The following MCM9 variants were observed in gnomAD, a reference collection of about 807,000 sequenced individuals.
The protein encoded by MCM9 is minichromosome maintenance 9 homologous recombination repair factor, also known as DNA helicase MCM9.
In MCM9, 55 loss-of-function variants were observed where a neutral mutation model predicts 72.8. The ratio of observed to expected loss-of-function variants is 0.76; its 90% CI spans 0.61 to 0.95. The LOEUF is 0.95. MCM9 is among the 40% of genes least tolerant of loss of function. The pLI, the probability that MCM9 is intolerant of heterozygous loss-of-function variation, is 0.00. For missense variants in MCM9, 1,279 were observed against 1,377.0 expected (o/e 0.93, Z 1.13); for synonymous variants, 480 against 503.4 (o/e 0.95, Z 0.62).
intron 3 of MCM9, among the ~76,000 whole-genome samples, chr6:118,927,259 T>C (rs536389608): frequency 3.8e-4 from 58 of 152,318 alleles, no homozygotes; most frequent in African/African-American, 1.3e-3. Flanking sequence ...TTATGCATGA[T>C]TGAAGAATGC....
At chr6:118,901,148 C>T (rs1583600774) in intron 8 of MCM9, 1 of 258,314 alleles carries the variant, frequency 3.9e-6, no homozygotes, top group East Asian at 7.5e-5. Flanking sequence ...TGTATCATGG[C>T]ACACAGGGTG....
At position 118,878,786 on chromosome 6, in the gene MCM9, G is replaced by A. The variant is rs142278239; in HGVS notation, c.1151-22241C>T. ...TTTAATGCCAAAGAGGCTGGGCACA[G>A]TGGCTTACACCTGTAATCCCAGCAC... On this transcript the variant is annotated intron_variant, in intron 8 of 13. Transcript: ENST00000619706. Among the ~76,000 whole-genome samples the A allele has an allele frequency of 1.8e-3, 277 of 152,258 alleles. 1 individual carries two copies. The highest frequency in any genetic ancestry group is 0.01 in the South Asian group (50 of 4,830).
At chr6:118,836,212 T>C (rs769029177) in intron 9 of MCM9, among the ~76,000 whole-genome samples, 7 of 152,240 alleles carry the variant, frequency 4.6e-5, no homozygotes, top group Non-Finnish European at 1.0e-4. Context: ...TTGATCGTGG[T>C]GGACAGGCTT....
At chr6:118,894,449 G>A (rs1365634337) in intron 8 of MCM9, 5 of 1,537,036 alleles carry the variant, frequency 3.3e-6, no homozygotes, top group African/African-American at 2.7e-5. Context: ...TAGTGGTGCT[G>A]GATAACCCTT....
intron 8 of MCM9, among the ~76,000 whole-genome samples, chr6:118,904,297 G>C (rs1318398588): frequency 6.6e-6 from 1 of 152,202 alleles, no homozygotes; most frequent in Non-Finnish European, 1.5e-5. Context: ...TAGGACACTA[G>C]GTAGCGATTT....
chr6:118,931,192 G>A (rs1290952315), intron 3 of MCM9, among the ~76,000 whole-genome samples: 3 of 152,070 alleles, frequency 2.0e-5, no homozygotes, highest in African/African-American at 2.4e-5. Flanking sequence ...AGACACACAA[G>A]TATACTGCTG....
intron 9 of MCM9, among the ~76,000 whole-genome samples, chr6:118,846,531 G>A (rs1210245609): frequency 6.6e-6 from 1 of 151,788 alleles, no homozygotes; most frequent in Non-Finnish European, 1.5e-5. Context: ...CTGGAGAATA[G>A]ACAGAGGGGC....
chr6:118,894,112 T>G (rs1230128720), intron 8 of MCM9: 5 of 1,166,918 alleles, frequency 4.3e-6, no homozygotes, highest in Non-Finnish European at 5.3e-6. Flanking sequence ...CGGGAGCCCA[T>G]CTTGCTGGCT....
chr6:118,869,599 C>CAAAAAA, intron 8 of MCM9, among the ~76,000 whole-genome samples: 17,990 of 58,144 alleles, frequency 0.31, 3,268 homozygotes, highest in Non-Finnish European at 0.38. Context: ...AAAGGATTTA[C>CAAAAAA]AAAAAAAAAA....
At chr6:118,858,751 C>T (rs1260915209) in intron 8 of MCM9, among the ~76,000 whole-genome samples, 1 of 152,012 alleles carries the variant, frequency 6.6e-6, no homozygotes, top group Non-Finnish European at 1.5e-5. Flanking sequence ...AAAACACTGA[C>T]AGAGGAAATC....
intron 9 of MCM9, among the ~76,000 whole-genome samples, chr6:118,852,113 TTACTG>T (rs1054556471): frequency 1.6e-4 from 25 of 152,138 alleles, no homozygotes; most frequent in African/African-American, 6.0e-4. Flanking sequence ...ACACAGCACG[TTACTG>T]TACTGAATAC....
intron 8 of MCM9, chr6:118,910,895 G>C: frequency 1.0e-6 from 1 of 985,302 alleles, no homozygotes; most frequent in Non-Finnish European, 1.2e-6. Context: ...TTAGAAATTT[G>C]AGCATTCATT....
intron 1 of MCM9, among the ~76,000 whole-genome samples, chr6:118,933,585 C>G (rs1304320186): frequency 6.6e-6 from 1 of 151,858 alleles, no homozygotes; most frequent in Admixed American, 6.5e-5. Flanking sequence ...TTAAATTTGA[C>G]TTACTTCATT....
chr6:118,819,155 T>C (rs945766929), intron 13 of MCM9, among the ~76,000 whole-genome samples: 7 of 152,204 alleles, frequency 4.6e-5, no homozygotes, highest in South Asian at 4.1e-4. Flanking sequence ...TCCAATACTA[T>C]GTTGACTAGG....
chr6:118,837,674 A>G lies in MCM9; in HGVS notation c.1326-8424T>C, dbSNP rs572572657. ...AGTTGGTTTAAAGTCAGAGACTAGG[A>G]TTGTAACCCCTGCTTTTTTTTGCTT... On this transcript the variant is annotated intron_variant, in intron 9 of 13. Transcript: ENST00000619706. Among the ~76,000 whole-genome samples, 8 of 152,112 alleles carry G rather than the reference A, an allele frequency of 5.3e-5. No homozygotes were observed. The East Asian group carries it at 1.5e-3, about 29-fold the overall frequency.
rs1297134751 is a variant in MCM9 at position 118,815,954 on chromosome 6, A to G, written c.2302T>C (p.Ser768Pro). ...ATCTTCGAAGCCATATTTTCTCCAG[A>G]TGTTTTGGGATGAGGAGACACAACA... ...TVVVSPHPKT[S>P]GENMASKISN... is the part of the protein sequence containing the mutation. Residue 768 changes from serine to proline, a missense_variant, in exon 14 of 14, where the codon TCT becomes CCT. By Grantham distance (74) the Ser-to-Pro change is moderately conservative. Coordinates refer to ENST00000619706, the MANE Select transcript of MCM9 (RefSeq NM_017696.3). The G allele has an allele frequency of 1.3e-6, 2 of 1,550,270 alleles. No individual in the cohort carries two copies. The highest frequency in any genetic ancestry group is 1.7e-6 in the Non-Finnish European group (2 of 1,146,970).
intron 3 of MCM9, among the ~76,000 whole-genome samples, chr6:118,926,906 T>C (rs1781943269): frequency 6.6e-6 from 1 of 152,172 alleles, no homozygotes; most frequent in Non-Finnish European, 1.5e-5. Context: ...TACAGAAGGA[T>C]ACTCGAGTGG....
chr6:118,823,098 C>T (rs1238837616), intron 13 of MCM9, among the ~76,000 whole-genome samples: 2 of 152,100 alleles, frequency 1.3e-5, no homozygotes, highest in African/African-American at 4.8e-5. Context: ...CATCAGCCCC[C>T]TTTCCAGGGG....
chr6:118,876,408 T>C (rs750658330), intron 8 of MCM9, among the ~76,000 whole-genome samples: 13 of 152,208 alleles, frequency 8.5e-5, no homozygotes, highest in Non-Finnish European at 1.6e-4. Flanking sequence ...TGTGTCATTG[T>C]TGGTTTATCG....
Sources: allele counts gnomAD v4.1 joint callset (sites outside exome capture counted in the v4.1 genomes callset), GRCh38; gene constraint gnomAD v4.1.1; transcripts MANE v1.5; gene names NCBI Gene and HGNC (gene_info 2026-07-23, HGNC 2026-07-21).